The following FN1 variants were observed in gnomAD, a reference collection of about 807,000 sequenced individuals.
The protein encoded by FN1 is fibronectin.
A neutral mutation model predicts 297.3 loss-of-function variants in FN1; 106 were observed. That is an observed-to-expected ratio of 0.36 (90% confidence interval 0.30 to 0.42). The LOEUF is 0.42. FN1 is among the 10% of genes least tolerant of loss of function. The probability of loss-of-function intolerance (pLI) is 1.00; values close to 1 mark genes in which losing one functional copy is unlikely to be tolerated. For missense variants in FN1, 2,690 were observed against 3,124.9 expected, an observed-to-expected ratio of 0.86 and a Z score of 3.32; for synonymous variants, 1,149 against 1,152.6, an observed-to-expected ratio of 1.00 and a Z score of 0.06.
intron 26 of FN1, among the ~76,000 whole-genome samples, chr2:215,390,854 TAATGTACCTA>T (rs955542900): frequency 6.6e-6 from 1 of 152,260 alleles, no homozygotes; most frequent in African/African-American, 2.4e-5. Context: ...TAATACTTGG[TAATGTACCTA>T]AATGTAAGCT....
chr2:215,428,656 G>T (rs1046999530), intron 5 of FN1, among the ~76,000 whole-genome samples: 1 of 151,894 alleles, frequency 6.6e-6, no homozygotes, highest in African/African-American at 2.4e-5. Context: ...TTCCTTCTCA[G>T]GCTCTTCCAG....
intron 44 of FN1, among the ~76,000 whole-genome samples, chr2:215,364,175 A>G (rs1248677101): frequency 1.3e-5 from 2 of 152,240 alleles, no homozygotes; most frequent in African/African-American, 4.8e-5. Flanking sequence ...CTATATCATT[A>G]AGAGCCAAGC....
chr2:215,421,699 T>A (rs1221863664), intron 10 of FN1, among the ~76,000 whole-genome samples: 1 of 152,232 alleles, frequency 6.6e-6, no homozygotes, highest in African/African-American at 2.4e-5. Flanking sequence ...TTTCCTGAAA[T>A]CTGGATCTGT....
chr2:215,386,986 G>GAAAAAAAA, intron 27 of FN1, 28 bp from the exon 28 acceptor site: 1 of 1,377,560 alleles, frequency 7.3e-7, no homozygotes, highest in Admixed American at 2.1e-5. Flanking sequence ...GGGAGGAAGA[G>GAAAAAAAA]AAAAAAAAAA....
intron 23 of FN1, 80 bp from the exon 24 acceptor site, chr2:215,394,799 T>TTCCGCCCTGTGAATCCA: frequency 9.0e-7 from 1 of 1,106,382 alleles, no homozygotes; most frequent in Non-Finnish European, 1.4e-6. Context: ...CAATGATGGA[T>TTCCGCCCTGTGAATCCA]TCACAGGGCG....
chr2:215,376,461 T>G, intron 36 of FN1, 37 bp downstream of exon 36: 1 of 1,587,740 alleles, frequency 6.3e-7, no homozygotes, highest in Non-Finnish European at 8.7e-7. Flanking sequence ...TGTGGGTATT[T>G]GTTAACAAAT....
chr2:215,393,732 G>A (rs948112544), intron 24 of FN1: 7 of 152,264 alleles, frequency 4.6e-5, no homozygotes, highest in East Asian at 3.8e-4. Flanking sequence ...AATGTATGGT[G>A]TGAAATGTGC....
At chr2:215,433,236 A>C in intron 3 of FN1, 88 bp downstream of exon 3, 2 of 1,532,326 alleles carry the variant, frequency 1.3e-6, no homozygotes, top group Non-Finnish European at 1.8e-6. Context: ...CGGAATATCC[A>C]GTCATGGATA....
rs2106563040 is a variant in FN1 at position 215,435,976 on chromosome 2, A to G, written c.-174T>C. On this transcript the variant is annotated 5_prime_UTR_variant, in exon 1 of 46. Transcript: ENST00000354785. ...ACGGGTGGAGGGACAGAAGGGATGC[A>G]GAGGACCAGAGAAGTTGTGGCTGCA... is the stretch of plus-strand genomic sequence containing the variant. 2.2e-6 allele frequency: 3 copies of G among 1,364,152 alleles called. No individual in the cohort carries two copies. Among genetic ancestry groups the G allele is most frequent in the Middle Eastern group, 2.7e-4 (1 of 3,750 alleles). The allele number at this position is 1,364,152 out of a possible 1,614,324, so 84.5% of individuals were successfully genotyped here.
intron 33 of FN1, 180 bp from the exon 34 acceptor site, chr2:215,379,497 G>C: frequency 3.3e-6 from 2 of 605,616 alleles, no homozygotes; most frequent in Non-Finnish European, 5.9e-6. Flanking sequence ...GAAAGTGTTT[G>C]CTGAGAAATG....
In FN1 at chr2:215,393,185, T is replaced by C. The variant is rs755281240; in HGVS notation, c.3815A>G (p.Asp1272Gly). 9 of 1,613,296 alleles carry C rather than the reference T, an allele frequency of 5.6e-6. No individual in the cohort carries two copies. Among genetic ancestry groups the C allele is most frequent in the African/African-American group, 1.3e-5 (1 of 74,624 alleles). ...ATCGGTTATATCAACAAAGCTTAGG[T>C]CAGTGAGTTGGGGCACCTCTATTGA... ...TIIPEVPQLT[D>G]LSFVDITDSS... is the part of the protein sequence containing the mutation. The change falls in exon 25 of 46, where the codon GAC becomes GGC. Residue 1272 changes from aspartate to glycine, a missense_variant. This residue lies in a region of FN1 where 1,743 missense variants were observed against 1,945.2 expected (regional missense o/e 0.90). Coordinates refer to ENST00000354785, the MANE Select transcript of FN1 (RefSeq NM_212482.4).
At chr2:215,426,143 CTTTTTTTTTTT>C (rs58002948) in intron 6 of FN1, among the ~76,000 whole-genome samples, 12 of 101,090 alleles carry the variant, frequency 1.2e-4, no homozygotes, top group African/African-American at 4.2e-4. Flanking sequence ...TTTCTTTTTT[CTTTTTTTTTTT>C]TTTTTTTTTT....
intron 33 of FN1, chr2:215,379,975 T>C (rs1421879559): frequency 6.5e-6 from 1 of 152,852 alleles, no homozygotes; most frequent in Non-Finnish European, 1.5e-5. Context: ...GGATTACATG[T>C]GTGAGCCACT....
rs9288509 is a variant in FN1, at chr2:215,423,180, T to TCA, written c.1393+168_1393+169dup. Among the ~76,000 whole-genome samples, 32,093 of 148,742 alleles carry TCA rather than the reference T, an allele frequency of 0.22. 3,502 individuals carry two copies. The highest frequency in any genetic ancestry group is 0.26 in the African/African-American group (10,498 of 40,444). On this transcript the variant is annotated intron_variant, in intron 9 of 45. Transcript: ENST00000354785. ...CAATCCTTATGTATATGATGTAACA[T>TCA]CACACACACACACACACACACACAC...
chr2:215,401,265 A>AGGAAGGAAGGAAGGAAGGAAG (rs1553629825), intron 20 of FN1, among the ~76,000 whole-genome samples: 2 of 110,858 alleles, frequency 1.8e-5, no homozygotes, highest in Admixed American at 8.4e-5. Flanking sequence ...AAAGAAAGGA[A>AGGAAGGAAGGAAGGAAGGAAG]GGAAAGGAAA....
At chr2:215,381,203 T>A in intron 32 of FN1, 123 bp from the exon 33 acceptor site, 2 of 944,878 alleles carry the variant, frequency 2.1e-6, no homozygotes, top group Admixed American at 3.6e-5. Flanking sequence ...TAACCCACTA[T>A]CAAAAGGAAA....
In FN1 at chr2:215,386,786, G is replaced by A. The variant is rs1305106455; in HGVS notation, c.4515C>T (p.Thr1505=). ...CTGTGCCTGGAGTGAGGTTGGTGAGGGTGATGGAATTCCGAGAGTGGGGCA... is the reference window on the plus strand; with the variant it reads ...CTGTGCCTGGAGTGAGGTTGGTGAGAGTGATGGAATTCCGAGAGTGGGGCA... ...DRVPHSRNSI[T]LTNLTPGTEY... Residue 1505 remains threonine, a synonymous_variant, in exon 28 of 46, where the codon ACC becomes ACT. Transcript: ENST00000354785. 1 of 1,613,734 alleles carries A rather than the reference G, an allele frequency of 6.2e-7. No individual in the cohort carries two copies. The highest frequency in any genetic ancestry group is 8.5e-7 in the Non-Finnish European group (1 of 1,179,966).
chr2:215,381,200 C>G, intron 32 of FN1, 120 bp from the exon 33 acceptor site: 5 of 971,832 alleles, frequency 5.1e-6, no homozygotes, highest in Non-Finnish European at 8.1e-6. Flanking sequence ...AATTAACCCA[C>G]TATCAAAAGG....
Position 215,430,825 on chromosome 2 carries a change from C to T in FN1, c.575G>A (p.Gly192Glu), listed in dbSNP as rs1405095910. 3.7e-5 allele frequency: 59 copies of T among 1,613,982 alleles called. No homozygotes were observed. Among genetic ancestry groups the T allele is most frequent in the Non-Finnish European group, 5.0e-5 (59 of 1,180,008 alleles). The change falls in exon 5 of 46, where the codon GGG (glycine) becomes GAG (glutamate). Residue 192 changes from glycine (G) to glutamate (E), a missense_variant. Physicochemically the swap from Gly to Glu is moderately conservative, Grantham distance 98 (BLOSUM62 -2). This residue lies in a region of FN1 where 876 missense variants were observed against 1,058.1 expected (regional missense o/e 0.83). Coordinates refer to ENST00000354785, the MANE Select transcript of FN1 (RefSeq NM_212482.4). ...CGTTTCTCCGACCACATAGGAAGTCCCAGCAGCATGATCAAAACACTTCTC... is the reference window on the plus strand; with the variant it reads ...CGTTTCTCCGACCACATAGGAAGTCTCAGCAGCATGATCAAAACACTTCTC... ...IAEKCFDHAA[G>E]TSYVVGETWE...
Sources: allele counts gnomAD v4.1 joint callset (sites outside exome capture counted in the v4.1 genomes callset), GRCh38; gene constraint gnomAD v4.1.1; regional missense constraint gnomAD v4.1.1; transcripts MANE v1.5; gene names NCBI Gene and HGNC (gene_info 2026-07-23, HGNC 2026-07-21).